DCC: variants seen among roughly 807,000 people sequenced by gnomAD.
The protein encoded by DCC is netrin receptor DCC.
A neutral mutation model predicts 172.5 loss-of-function variants in DCC; 58 were observed. The observed-to-expected ratio is 0.34, with a 90% CI of 0.27 to 0.42. The LOEUF is 0.42. Among genes scored for constraint, DCC ranks in the 10% least tolerant of loss-of-function variants. The probability of loss-of-function intolerance (pLI) is 1.00; values close to 1 mark genes in which losing one functional copy is unlikely to be tolerated. For missense variants in DCC, 1,740 were observed against 1,791.0 expected (o/e 0.97, Z 0.51); for synonymous variants, 709 against 644.5 (o/e 1.10, Z -1.52).
intron 24 of DCC, among the ~76,000 whole-genome samples, chr18:53,460,792 C>A (rs1469773700): frequency 6.6e-6 from 1 of 152,184 alleles, no homozygotes; most frequent in East Asian, 1.9e-4. Flanking sequence ...TTGGGTATAT[C>A]CCCAGTAATG....
chr18:53,293,097 G>A (rs1436676084), intron 12 of DCC, among the ~76,000 whole-genome samples: 1 of 152,060 alleles, frequency 6.6e-6, no homozygotes, highest in Non-Finnish European at 1.5e-5. Context: ...CAATAACTAG[G>A]GAGAGATAAT....
At chr18:52,344,038 A>C (rs1208174634) in intron 1 of DCC, among the ~76,000 whole-genome samples, 2 of 152,222 alleles carry the variant, frequency 1.3e-5, no homozygotes, top group African/African-American at 2.4e-5. Flanking sequence ...ATATGTGAAT[A>C]TATTAGGCTT....
chr18:52,394,532 C>T (rs1055827749), intron 1 of DCC, among the ~76,000 whole-genome samples: 3 of 151,954 alleles, frequency 2.0e-5, no homozygotes, highest in Non-Finnish European at 2.9e-5. Flanking sequence ...CTGCCTTGGC[C>T]TCCCAAATCG....
intron 2 of DCC, among the ~76,000 whole-genome samples, chr18:52,776,170 A>G (rs1322649271): frequency 6.6e-6 from 1 of 152,224 alleles, no homozygotes; most frequent in East Asian, 1.9e-4. Context: ...TGAACAGTAG[A>G]AAAATAAAAT....
At chr18:52,405,255 T>C (rs1043234682) in intron 1 of DCC, among the ~76,000 whole-genome samples, 89 of 150,480 alleles carry the variant, frequency 5.9e-4, no homozygotes, top group Non-Finnish European at 5.5e-4. Flanking sequence ...TCCACAATGG[T>C]TAAACTAGTT....
intron 27 of DCC, among the ~76,000 whole-genome samples, chr18:53,516,465 T>TAAAG (rs1177110571): frequency 6.8e-6 from 1 of 146,946 alleles, no homozygotes; most frequent in East Asian, 2.0e-4. Flanking sequence ...CTAATTAAAC[T>TAAAG]AAAGAGCTTC....
intron 14 of DCC, among the ~76,000 whole-genome samples, chr18:53,333,169 A>G (rs1056742173): frequency 4.6e-5 from 7 of 152,226 alleles, no homozygotes; most frequent in Admixed American, 3.9e-4. Context: ...GTTGTCCACT[A>G]TGATAAATAC....
intron 27 of DCC, among the ~76,000 whole-genome samples, chr18:53,512,230 A>G (rs2046265840): frequency 6.6e-6 from 1 of 151,580 alleles, no homozygotes. Flanking sequence ...GGGTATTCCA[A>G]CAGACCTGCA....
intron 7 of DCC, among the ~76,000 whole-genome samples, chr18:53,118,477 G>A (rs1374084185): frequency 1.3e-5 from 2 of 151,666 alleles, no homozygotes; most frequent in African/African-American, 2.4e-5. Context: ...GCTTTCACTT[G>A]TTTCACTGAC....
At chr18:52,385,445 T>G (rs998067245) in intron 1 of DCC, among the ~76,000 whole-genome samples, 3 of 151,972 alleles carry the variant, frequency 2.0e-5, no homozygotes, top group African/African-American at 7.3e-5. Context: ...CTGACTTATT[T>G]TTGTATGCCT....
intron 1 of DCC, among the ~76,000 whole-genome samples, chr18:52,416,309 G>A (rs1286568232): frequency 3.3e-5 from 5 of 151,656 alleles, no homozygotes; most frequent in African/African-American, 1.2e-4. Flanking sequence ...GGTCAATTTT[G>A]GAATAGGTGT....
At chr18:53,402,692 A>G in intron 18 of DCC, 94 bp from the exon 19 acceptor site, 1 of 924,748 alleles carries the variant, frequency 1.1e-6, no homozygotes, top group Non-Finnish European at 1.8e-6. Flanking sequence ...ACTTCTTGAT[A>G]GATTCTGAAT....
intron 2 of DCC, among the ~76,000 whole-genome samples, chr18:52,784,702 G>T (rs971761423): frequency 6.6e-6 from 1 of 151,956 alleles, no homozygotes; most frequent in South Asian, 2.1e-4. Context: ...TTGGCCATTT[G>T]TATGTCTTCT....
At chr18:52,639,263 A>G (rs2034844843) in intron 1 of DCC, among the ~76,000 whole-genome samples, 1 of 152,174 alleles carries the variant, frequency 6.6e-6, no homozygotes, top group African/African-American at 2.4e-5. Context: ...TAGAAGAACA[A>G]GAACAAATCC....
chr18:52,922,957 A>G (rs1000459169), intron 3 of DCC, among the ~76,000 whole-genome samples: 6 of 152,312 alleles, frequency 3.9e-5, no homozygotes, highest in African/African-American at 1.4e-4. Flanking sequence ...CCTAAGTCGC[A>G]TAAAGACTGT....
intron 22 of DCC, among the ~76,000 whole-genome samples, chr18:53,450,078 C>T (rs893555891): frequency 3.3e-5 from 5 of 151,154 alleles, no homozygotes; most frequent in African/African-American, 4.9e-5. Flanking sequence ...GGTATTAGTG[C>T]TTCATTTCTT....
intron 12 of DCC, among the ~76,000 whole-genome samples, chr18:53,269,910 A>G (rs915325725): frequency 1.6e-4 from 25 of 152,134 alleles, no homozygotes; most frequent in African/African-American, 5.8e-4. Context: ...ATGGATGGCA[A>G]TAGGATAGAT....
chr18:53,432,251 T>C (rs1298846429), intron 21 of DCC, among the ~76,000 whole-genome samples: 1 of 152,164 alleles, frequency 6.6e-6, no homozygotes, highest in Non-Finnish European at 1.5e-5. Context: ...CCATCTGCAG[T>C]TGGTTAATAT....
chr18:53,397,303 T>A lies in DCC; in HGVS notation c.2689-5T>A. 1 of 1,612,952 alleles carries A rather than the reference T, an allele frequency of 6.2e-7. No individual in the cohort carries two copies. ...TTATCTCTTTGCTATTTCCTACTTG[T>A]ATAGTCAGAAGACACAACATCTCTA... On this transcript the variant is annotated splice_region_variant and splice_polypyrimidine_tract_variant and intron_variant, in intron 17 of 28. Coordinates refer to ENST00000442544, the MANE Select transcript of DCC (RefSeq NM_005215.4).
Sources: gnomAD v4.1 joint callset for allele counts (sites outside exome capture counted in the v4.1 genomes callset) on GRCh38, gnomAD v4.1.1 for gene constraint, MANE v1.5 for transcripts, NCBI Gene and HGNC (gene_info 2026-07-23, HGNC 2026-07-21) for gene names.